CNBD2: variants seen among roughly 807,000 people sequenced by gnomAD.
CNBD2 encodes cyclic nucleotide-binding domain-containing protein 2.
In CNBD2, 64 loss-of-function variants were observed where a neutral mutation model predicts 63.7. The ratio of observed to expected loss-of-function variants is 1.00; its 90% CI spans 0.82 to 1.24. The LOEUF (loss-of-function observed/expected upper bound fraction) is 1.24, where lower values mean the gene tolerates loss of function less well. CNBD2 is among the 50% of genes most tolerant of loss of function. The pLI, the probability that CNBD2 is intolerant of heterozygous loss-of-function variation, is 0.00. For synonymous variants in CNBD2, 229 were observed against 255.4 expected (o/e 0.90, Z 0.99); for missense variants, 691 against 713.5 (o/e 0.97, Z 0.36).
chr20:35,975,827 A>G (rs1022821871), intron 2 of CNBD2, 122 bp from the exon 3 acceptor site: 5 of 829,516 alleles, frequency 6.0e-6, no homozygotes, highest in Admixed American at 2.2e-5. Context: ...GCCGGCTGCT[A>G]TGAGGTTTCC....
downstream of CNBD2, among the ~76,000 whole-genome samples, chr20:35,956,703 G>A (rs1232987055): frequency 6.6e-6 from 1 of 152,142 alleles, no homozygotes; most frequent in Non-Finnish European, 1.5e-5. Context: ...TATTCCCTGT[G>A]TGGTAACAGG....
At chr20:36,008,649 C>T (rs1233813780) in intron 9 of CNBD2, among the ~76,000 whole-genome samples, 175 bp downstream of exon 9, 2 of 152,190 alleles carry the variant, frequency 1.3e-5, no homozygotes, top group Admixed American at 6.5e-5. Flanking sequence ...AGAGCCAGGA[C>T]CTGCATTCTC....
At chr20:35,956,743 C>T (rs1434227579), downstream of CNBD2, among the ~76,000 whole-genome samples, 1 of 152,132 alleles carries the variant, frequency 6.6e-6, no homozygotes, top group African/African-American at 2.4e-5. Flanking sequence ...AGGGAGCACA[C>T]TAACCCTTCT....
chr20:35,984,925 C>T, intron 6 of CNBD2, 147 bp downstream of exon 6: 1 of 746,728 alleles, frequency 1.3e-6, no homozygotes, highest in Non-Finnish European at 2.3e-6. Flanking sequence ...CCCACCTTCT[C>T]TCTCTGCAGA....
At chr20:36,009,763 C>T (rs937350574) in intron 9 of CNBD2, among the ~76,000 whole-genome samples, 14 of 152,028 alleles carry the variant, frequency 9.2e-5, no homozygotes, top group African/African-American at 3.4e-4. Context: ...ACCCAAGAGG[C>T]GGAGGTTGCA....
chr20:36,011,549 G>T (rs148084817), intron 10 of CNBD2, among the ~76,000 whole-genome samples: 269 of 152,206 alleles, frequency 1.8e-3, no homozygotes, highest in African/African-American at 6.3e-3. Flanking sequence ...GCTGGGCATG[G>T]TGGTGTACGC....
At chr20:36,024,241 A>G (rs2057256515) in intron 11 of CNBD2, among the ~76,000 whole-genome samples, 1 of 152,202 alleles carries the variant, frequency 6.6e-6, no homozygotes, top group Admixed American at 6.5e-5. Flanking sequence ...AGGCTGAGGT[A>G]GGAGAATCGC....
chr20:36,021,464 T>C (rs1336682163), intron 10 of CNBD2, among the ~76,000 whole-genome samples: 1 of 152,194 alleles, frequency 6.6e-6, no homozygotes, highest in Non-Finnish European at 1.5e-5. Flanking sequence ...CAGTGAACTG[T>C]ATGCTTAAAA....
intron 7 of CNBD2, among the ~76,000 whole-genome samples, chr20:35,992,385 G>A (rs1207392875): frequency 2.0e-5 from 3 of 152,156 alleles, no homozygotes; most frequent in Non-Finnish European, 4.4e-5. Context: ...TCCTGAGGGA[G>A]GAATTCTCAA....
chr20:35,978,446 G>C (rs55883412), intron 3 of CNBD2, among the ~76,000 whole-genome samples: 8 of 151,312 alleles, frequency 5.3e-5, no homozygotes, highest in African/African-American at 1.9e-4. Flanking sequence ...CCGGGTTCAC[G>C]CCATTCTCTT....
intron 7 of CNBD2, among the ~76,000 whole-genome samples, chr20:35,991,075 A>C (rs2056741224): frequency 6.6e-6 from 1 of 152,246 alleles, no homozygotes; most frequent in Non-Finnish European, 1.5e-5. Context: ...TGTGAGGGTG[A>C]GAAATAGAAC....
chr20:35,988,302 G>T (rs2056696670), intron 7 of CNBD2, among the ~76,000 whole-genome samples: 2 of 152,108 alleles, frequency 1.3e-5, no homozygotes, highest in Admixed American at 6.6e-5. Context: ...GAGTAGCTAG[G>T]ACTATAGGTA....
In CNBD2 at chr20:35,973,018, C is replaced by T. The variant is rs1298021465; in HGVS notation, c.189+252C>T. On this transcript the variant is annotated intron_variant, in intron 2 of 11. Transcript: ENST00000373973. ...TGCCTAGCCACAGGCAACGCTGGAC[C>T]AAGGCAGGCTCCACTGCAACAGCAG... 5 of 516,082 alleles carry T rather than the reference C, an allele frequency of 9.7e-6. No homozygotes were observed. In the East Asian group the frequency reaches 1.5e-4, roughly 16 times the overall value. The allele number at this position is 516,082 out of a possible 1,614,324, so 32.0% of individuals were successfully genotyped here.
At chr20:35,980,198 G>T (rs1019062473) in intron 3 of CNBD2, among the ~76,000 whole-genome samples, 1 of 152,138 alleles carries the variant, frequency 6.6e-6, no homozygotes. Context: ...GGATGTCAGC[G>T]TTGATATGTG....
rs563280362 is a variant in CNBD2, at chr20:36,002,020, C to T, written c.971-6277C>T. On this transcript the variant is annotated intron_variant, in intron 8 of 11. Coordinates refer to ENST00000373973, the MANE Select transcript of CNBD2 (RefSeq NM_001365709.1). ...GGCGGCCGGGCAGAGGCTGCACTCT[C>T]GGCACTTTGGGAGGCCAAGGCAGGC... Among the ~76,000 whole-genome samples the T allele has an allele frequency of 8.5e-5, 13 of 152,308 alleles. No individual in the cohort carries two copies. In the South Asian group the frequency reaches 1.4e-3, roughly 17 times the overall value.
chr20:35,968,768 G>A lies in CNBD2; in HGVS notation c.6G>A (p.Arg2=). Residue 2 remains arginine (R), a synonymous_variant, in exon 1 of 12, where the codon AGG becomes AGA. Coordinates refer to ENST00000373973, the MANE Select transcript of CNBD2 (RefSeq NM_001365709.1). M[R]RHMVTYAWQL... is the part of the protein sequence containing the mutation. The stretch of plus-strand genomic sequence containing the variant: ...CATTTGCCTGCACAGGAACCATGAG[G>A]AGACATATGGTAACTTATGCCTGGC... 1 of 1,608,554 alleles carries A rather than the reference G, an allele frequency of 6.2e-7. No individual in the cohort carries two copies. The highest frequency in any genetic ancestry group is 8.5e-7 in the Non-Finnish European group (1 of 1,178,056).
At chr20:35,969,489 G>C (rs942588102) in intron 1 of CNBD2, among the ~76,000 whole-genome samples, 1 of 151,972 alleles carries the variant, frequency 6.6e-6, no homozygotes, top group Non-Finnish European at 1.5e-5. Context: ...CCTGAAGTTG[G>C]TGTCACCCTT....
intron 8 of CNBD2, among the ~76,000 whole-genome samples, chr20:36,007,026 A>G (rs764123015): frequency 6.6e-6 from 1 of 151,948 alleles, no homozygotes; most frequent in Non-Finnish European, 1.5e-5. Context: ...TGTCTCTACT[A>G]AAAATACAGA....
downstream of CNBD2, chr20:35,957,582 A>G (rs1441000429): frequency 6.6e-6 from 1 of 152,246 alleles, no homozygotes; most frequent in East Asian, 1.9e-4. Flanking sequence ...AATCTGAAAA[A>G]AAACATATAA....
Sources: allele counts gnomAD v4.1 joint callset (sites outside exome capture counted in the v4.1 genomes callset), GRCh38; gene constraint gnomAD v4.1.1; transcripts MANE v1.5; gene names NCBI Gene and HGNC (gene_info 2026-07-23, HGNC 2026-07-21).